SNTG2: variants seen among roughly 807,000 people sequenced by gnomAD.
SNTG2 encodes syntrophin gamma 2, also known as gamma-2-syntrophin.
Under a neutral mutation model 70.9 loss-of-function variants are expected in SNTG2, and 74 were observed. The observed-to-expected ratio is 1.04, with a 90% confidence interval of 0.86 to 1.27. The LOEUF is 1.27. SNTG2 is among the 50% of genes most tolerant of loss of function. The probability of loss-of-function intolerance (pLI) is 0.00; values close to 1 mark genes in which losing one functional copy is unlikely to be tolerated. For synonymous variants in SNTG2, 278 were observed against 273.8 expected (o/e 1.02, Z -0.15); for missense variants, 717 against 690.7 (o/e 1.04, Z -0.43).
At chr2:1,246,571 A>G (rs895275272) in intron 11 of SNTG2, among the ~76,000 whole-genome samples, 1 of 152,126 alleles carries the variant, frequency 6.6e-6, no homozygotes, top group African/African-American at 2.4e-5. Context: ...GTGATAACTT[A>G]TTTTTATTTT....
intron 1 of SNTG2, among the ~76,000 whole-genome samples, chr2:1,040,498 A>G (rs567512465): frequency 6.6e-5 from 10 of 152,118 alleles, no homozygotes; most frequent in African/African-American, 2.2e-4. Context: ...CAAGGCTCTG[A>G]CTTCCTCTGG....
chr2:1,270,672 C>G (rs1281988305), intron 14 of SNTG2, among the ~76,000 whole-genome samples: 3 of 152,140 alleles, frequency 2.0e-5, no homozygotes, highest in African/African-American at 7.2e-5. Context: ...TAGAACAGTC[C>G]CCGGCATACT....
At chr2:1,177,087 C>T (rs1336828745) in intron 8 of SNTG2, among the ~76,000 whole-genome samples, 2 of 152,100 alleles carry the variant, frequency 1.3e-5, no homozygotes, top group Non-Finnish European at 2.9e-5. Flanking sequence ...CCCAAATGCC[C>T]ATCAATGATA....
At chr2:1,083,906 T>C (rs911333696) in intron 2 of SNTG2, among the ~76,000 whole-genome samples, 1 of 152,176 alleles carries the variant, frequency 6.6e-6, no homozygotes, top group Non-Finnish European at 1.5e-5. Flanking sequence ...GCCCCAATCC[T>C]GGCGTGTGCC....
intron 14 of SNTG2, among the ~76,000 whole-genome samples, chr2:1,302,431 G>C (rs1045881083): frequency 4.0e-5 from 6 of 151,520 alleles, no homozygotes; most frequent in African/African-American, 1.5e-4. Flanking sequence ...ATGGAGGAAG[G>C]ACCACTGTGT....
chr2:1,302,442 A>G (rs1334556888), intron 14 of SNTG2, among the ~76,000 whole-genome samples: 1 of 152,002 alleles, frequency 6.6e-6, no homozygotes, highest in African/African-American at 2.4e-5. Context: ...ACCACTGTGT[A>G]TATAGAATGT....
intron 14 of SNTG2, among the ~76,000 whole-genome samples, chr2:1,284,946 TATATAA>T (rs1326142813): frequency 2.6e-5 from 4 of 151,286 alleles, no homozygotes; most frequent in South Asian, 2.1e-4. Context: ...TTTACAACTC[TATATAA>T]ATATAAATAT....
At position 1,137,633 on chromosome 2, in the gene SNTG2, G is replaced by A. The variant is rs778938709; in HGVS notation, c.337G>A (p.Gly113Arg). Reference protein sequence around the residue: ...IFEDQAADQTGMLFVGDAVLQ... With the variant: ...IFEDQAADQTRMLFVGDAVLQ... ...TTGCCACCCTGCAGCTGACCAGACA[G>A]GGATGTTGTTCGTAGGAGATGCTGT... is the stretch of plus-strand genomic sequence containing the variant. Residue 113 changes from glycine to arginine, a missense_variant, in exon 5 of 17, where the codon GGG becomes AGG. Transcript: ENST00000308624. 5 of 1,613,166 alleles carry A rather than the reference G, an allele frequency of 3.1e-6. No individual in the cohort carries two copies. The East Asian group carries it at 6.7e-5, about 22-fold the overall frequency.
chr2:1,267,599 C>T (rs772829215), intron 14 of SNTG2, 28 bp downstream of exon 14: 3 of 1,594,882 alleles, frequency 1.9e-6, no homozygotes, highest in East Asian at 2.2e-5. Flanking sequence ...ACTCTTCTCA[C>T]CTACACCTGC....
intron 1 of SNTG2, among the ~76,000 whole-genome samples, chr2:973,479 A>T (rs941657059): frequency 2.8e-5 from 4 of 144,378 alleles, no homozygotes; most frequent in Non-Finnish European, 6.2e-5. Context: ...GGGCGTATTA[A>T]CCTGTTTGGG....
chr2:1,311,285 C>T (rs1680975856), intron 15 of SNTG2, among the ~76,000 whole-genome samples: 2 of 152,360 alleles, frequency 1.3e-5, no homozygotes, highest in South Asian at 4.1e-4. Flanking sequence ...CACTTGACCT[C>T]ACATTTTTCT....
At chr2:1,249,705 T>G (rs1321492068) in intron 12 of SNTG2, among the ~76,000 whole-genome samples, 1 of 152,262 alleles carries the variant, frequency 6.6e-6, no homozygotes, top group African/African-American at 2.4e-5. Flanking sequence ...AGACCCTGAC[T>G]ATGTTTGATT....
chr2:951,237 GGGCACCCGCCC>G (rs1259220106), intron 1 of SNTG2, among the ~76,000 whole-genome samples, 169 bp downstream of exon 1: 24 of 152,260 alleles, frequency 1.6e-4, no homozygotes, highest in Admixed American at 2.6e-4. Flanking sequence ...GGGACGCAGT[GGGCACCCGCCC>G]CCTGGCCGCT....
At chr2:1,193,176 T>C (rs1261435779) in intron 8 of SNTG2, among the ~76,000 whole-genome samples, 1 of 152,178 alleles carries the variant, frequency 6.6e-6, no homozygotes, top group Non-Finnish European at 1.5e-5. Context: ...TCAGAACTCT[T>C]TGTTCTGTTT....
intron 1 of SNTG2, among the ~76,000 whole-genome samples, chr2:1,020,046 GA>G (rs984045848): frequency 1.3e-5 from 2 of 152,088 alleles, no homozygotes; most frequent in African/African-American, 4.8e-5. Context: ...CCATCTCAAA[GA>G]AAAACAACAA....
At chr2:969,200 T>C (rs1003451767) in intron 1 of SNTG2, among the ~76,000 whole-genome samples, 9 of 152,196 alleles carry the variant, frequency 5.9e-5, no homozygotes, top group Admixed American at 2.0e-4. Flanking sequence ...ATTTCTGGGC[T>C]TGCTACTCGG....
intron 2 of SNTG2, among the ~76,000 whole-genome samples, chr2:1,091,960 C>T (rs1665056737): frequency 6.6e-6 from 1 of 152,152 alleles, no homozygotes; most frequent in Non-Finnish European, 1.5e-5. Context: ...GAGTGAATTA[C>T]TTTTAAAAAG....
intron 8 of SNTG2, among the ~76,000 whole-genome samples, chr2:1,203,215 C>G (rs1370228063): frequency 6.6e-6 from 1 of 152,142 alleles, no homozygotes; most frequent in Non-Finnish European, 1.5e-5. Context: ...ACTCAAGTAT[C>G]CTGCAACTGG....
At chr2:1,219,064 G>T (rs909706983) in intron 9 of SNTG2, among the ~76,000 whole-genome samples, 2 of 152,116 alleles carry the variant, frequency 1.3e-5, no homozygotes, top group African/African-American at 4.8e-5. Context: ...ACTGGATCAC[G>T]GGGCAGATTT....
Sources: allele counts gnomAD v4.1 joint callset (sites outside exome capture counted in the v4.1 genomes callset), GRCh38; gene constraint gnomAD v4.1.1; transcripts MANE v1.5; gene names NCBI Gene and HGNC (gene_info 2026-07-23, HGNC 2026-07-21).